Variants in MAEA observed in about 807,000 individuals in gnomAD.
MAEA encodes macrophage erythroblast attacher, E3 ubiquitin ligase.
In MAEA, 22 loss-of-function variants were observed where a neutral mutation model predicts 46.2. The observed-to-expected ratio is 0.48, with a 90% confidence interval of 0.34 to 0.68. MAEA has a LOEUF of 0.68. MAEA is among the 30% of genes least tolerant of loss of function. The pLI is 0.01. For missense variants in MAEA, 393 were observed against 558.1 expected (o/e 0.70, Z 2.98); for synonymous variants, 246 against 222.6 (o/e 1.11, Z -0.94).
In MAEA at chr4:1,339,209, A is replaced by G. The variant is rs371632040; in HGVS notation, c.*40A>G. The G allele has an allele frequency of 6.6e-7, 1 of 1,522,694 alleles. No individual in the cohort carries two copies. Among genetic ancestry groups the G allele is most frequent in the Non-Finnish European group, 9.1e-7 (1 of 1,097,330 alleles). 94.3% of individuals were successfully genotyped at this position (1,522,694 alleles called of 1,614,324 possible). ...AGCGCACGCCTCGGGGACGGGCTGCAGTGGGCGGGGAGGCCACGCCTTCCT... is the reference window on the plus strand; with the variant it reads ...AGCGCACGCCTCGGGGACGGGCTGCGGTGGGCGGGGAGGCCACGCCTTCCT... On this transcript the variant is annotated 3_prime_UTR_variant, in exon 9 of 9. Coordinates refer to ENST00000303400, the MANE Select transcript of MAEA (RefSeq NM_001017405.3).
chr4:1,331,213 C>G (rs945585388), intron 5 of MAEA: 1 of 150,232 alleles, frequency 6.7e-6, no homozygotes, highest in African/African-American at 2.5e-5. Context: ...CTCGGATGGC[C>G]GTCCCCAGCC....
At chr4:1,294,614 T>TC (rs1734441847) in intron 1 of MAEA, among the ~76,000 whole-genome samples, 2 of 151,420 alleles carry the variant, frequency 1.3e-5, no homozygotes, top group South Asian at 4.2e-4. Flanking sequence ...TCTGAGAGCC[T>TC]CCATCGGCCA....
chr4:1,309,089 T>C (rs980124579), intron 1 of MAEA, among the ~76,000 whole-genome samples: 1 of 152,222 alleles, frequency 6.6e-6, no homozygotes, highest in East Asian at 1.9e-4. Context: ...GGCCCCTCTC[T>C]GCATTGCTGT....
intron 1 of MAEA, among the ~76,000 whole-genome samples, chr4:1,295,470 C>T (rs536158359): frequency 4.6e-5 from 7 of 152,044 alleles, no homozygotes; most frequent in African/African-American, 9.7e-5. Flanking sequence ...CTGCCCCACT[C>T]GAGGGAGGGG....
intron 1 of MAEA, among the ~76,000 whole-genome samples, chr4:1,305,416 C>T (rs1405220902): frequency 6.6e-6 from 1 of 152,186 alleles, no homozygotes; most frequent in Non-Finnish European, 1.5e-5. Flanking sequence ...TGTGGACACA[C>T]CGTGGTTTGT....
intron 1 of MAEA, chr4:1,309,529 C>T (rs1477817273): frequency 1.4e-6 from 2 of 1,384,532 alleles, no homozygotes; most frequent in Non-Finnish European, 1.9e-6. Context: ...GGGGGTGCTG[C>T]GCTCATCCCC....
Position 1,332,850 on chromosome 4 carries a change from C to G in MAEA, c.750C>G (p.His250Gln). 1 of 1,612,720 alleles carries G rather than the reference C, an allele frequency of 6.2e-7. No homozygotes were observed. Among genetic ancestry groups the G allele is most frequent in the Non-Finnish European group, 8.5e-7 (1 of 1,179,552 alleles). Residue 250 changes from histidine (H) to glutamine (Q), a missense_variant, in exon 6 of 9, where the codon CAC becomes CAG. Physicochemically the swap from His to Gln is conservative, Grantham distance 24. Around this residue, in one of 2 missense-constraint regions of MAEA, gnomAD observed 358 missense variants for 537.9 expected, o/e 0.67. Coordinates refer to ENST00000303400, the MANE Select transcript of MAEA (RefSeq NM_001017405.3). ...MGMLAFPPDT[H>Q]ISPYKDLLDP... is the part of the protein sequence containing the mutation. ...TGCTGGCCTTCCCGCCCGACACGCA[C>G]ATCTCCCCGTACAAGGTAGGGCGTG... is the stretch of plus-strand genomic sequence containing the variant.
chr4:1,332,717 T>G, intron 5 of MAEA, 40 bp from the exon 6 acceptor site: 1 of 1,540,748 alleles, frequency 6.5e-7, no homozygotes, highest in Non-Finnish European at 8.9e-7. Context: ...AAGTTAAAAT[T>G]AAAACGCAAA....
chr4:1,333,546 G>A (rs1198321234), intron 6 of MAEA, among the ~76,000 whole-genome samples: 2 of 152,052 alleles, frequency 1.3e-5, no homozygotes, highest in African/African-American at 2.4e-5. Context: ...CCGACTCTCC[G>A]CGGTCACTGG....
chr4:1,338,789 G>A (rs1713150473), intron 8 of MAEA, 172 bp downstream of exon 8: 1 of 740,924 alleles, frequency 1.3e-6, no homozygotes, highest in Non-Finnish European at 2.2e-6. Flanking sequence ...TCGGGACAGG[G>A]CTGTGTGGGG....
intron 1 of MAEA, chr4:1,300,098 C>T (rs11247985): frequency 0.021 from 3,269 of 152,118 alleles, 44 homozygotes; most frequent in Non-Finnish European, 0.033. Context: ...GAAACCCAGT[C>T]GCCACCCTCT....
At chr4:1,323,021 C>T (rs942005675) in intron 4 of MAEA, among the ~76,000 whole-genome samples, 2 of 118,502 alleles carry the variant, frequency 1.7e-5, no homozygotes, top group Non-Finnish European at 3.2e-5. Flanking sequence ...GTGGCACGAT[C>T]TTGGCTCACT....
Position 1,315,886 on chromosome 4 carries a change from CA to C in MAEA, c.456+288del, listed in dbSNP as rs1412745322. ...TCCCGTGTGTGTGCCCCCCCCCCCC[CA>C]ATGTGCGTGTTTCTCCCCCACCCCG... On this transcript the variant is annotated intron_variant, in intron 3 of 8. Coordinates refer to ENST00000303400, the MANE Select transcript of MAEA (RefSeq NM_001017405.3). Among the ~76,000 whole-genome samples the C allele has an allele frequency of 8.5e-3, 219 of 25,812 alleles. 13 individuals carry two copies. The highest frequency in any genetic ancestry group is 0.012 in the Non-Finnish European group (125 of 10,590). 16.9% of individuals were successfully genotyped at this position (25,812 alleles called of 152,430 possible).
chr4:1,302,221 G>A (rs6851528), intron 1 of MAEA, among the ~76,000 whole-genome samples: 86,641 of 152,060 alleles, frequency 0.57, 25,071 homozygotes, highest in East Asian at 0.71. Context: ...AATCAATGTC[G>A]TGTATCATAT....
chr4:1,291,555 C>A (rs978556757), intron 1 of MAEA, among the ~76,000 whole-genome samples: 1 of 152,180 alleles, frequency 6.6e-6, no homozygotes, highest in African/African-American at 2.4e-5. Flanking sequence ...CCACTGACCA[C>A]TTTGTCTCAC....
chr4:1,310,944 C>T (rs1736420544), intron 1 of MAEA, among the ~76,000 whole-genome samples: 2 of 152,278 alleles, frequency 1.3e-5, no homozygotes, highest in African/African-American at 2.4e-5. Flanking sequence ...CGCTGAGCTG[C>T]GTCCAGGTCT....
rs146870391 is a variant in MAEA, at chr4:1,313,717, C to T, written c.252+1556C>T. Among the ~76,000 whole-genome samples, 814 of 151,404 alleles carry T rather than the reference C, an allele frequency of 5.4e-3. 4 individuals are homozygous for T. The highest frequency in any genetic ancestry group is 0.014 in the Middle Eastern group (4 of 292). ...ACTCTAGCTGGGCGACAGCGAGACCCTATCTCAAAAAAAAGTTTGAAAGTC... is the reference window on the plus strand; with the variant it reads ...ACTCTAGCTGGGCGACAGCGAGACCTTATCTCAAAAAAAAGTTTGAAAGTC... On this transcript the variant is annotated intron_variant, in intron 2 of 8. Coordinates refer to ENST00000303400, the MANE Select transcript of MAEA (RefSeq NM_001017405.3).
In MAEA at chr4:1,297,454, C is replaced by CGTGTGTGTGTGTGTGTGTGTGT. The variant is rs368069067; in HGVS notation, c.69+7475_69+7476insTGTGTGTGTGTGTGTGTGTGTG. Among the ~76,000 whole-genome samples the CGTGTGTGTGTGTGTGTGTGTGT allele has an allele frequency of 6.2e-4, 94 of 150,604 alleles. 2 individuals are homozygous for CGTGTGTGTGTGTGTGTGTGTGT. Among genetic ancestry groups the CGTGTGTGTGTGTGTGTGTGTGT allele is most frequent in the African/African-American group, 2.3e-3 (94 of 40,170 alleles). ...AGCTTTGGAGGAGCCTGAAAAAGTA[C>CGTGTGTGTGTGTGTGTGTGTGT]GTGCGTATGTGTGTGTGTATACATA... On this transcript the variant is annotated intron_variant, in intron 1 of 8. Transcript: ENST00000303400.
intron 1 of MAEA, among the ~76,000 whole-genome samples, chr4:1,307,088 A>T (rs1036520655): frequency 6.6e-6 from 1 of 152,218 alleles, no homozygotes; most frequent in African/African-American, 2.4e-5. Flanking sequence ...TCTGGCAGTC[A>T]GGTGCCATTT....
Sources: allele counts gnomAD v4.1 joint callset (sites outside exome capture counted in the v4.1 genomes callset), GRCh38; gene constraint gnomAD v4.1.1; regional missense constraint gnomAD v4.1.1; transcripts MANE v1.5; gene names NCBI Gene and HGNC (gene_info 2026-07-23, HGNC 2026-07-21).